The following ITGA2 variants were observed in gnomAD, a reference collection of about 807,000 sequenced individuals.
ITGA2 encodes integrin subunit alpha 2, also known as integrin alpha-2.
A neutral mutation model predicts 146.3 loss-of-function variants in ITGA2; 101 were observed. The observed-to-expected ratio is 0.69, with a 90% CI of 0.59 to 0.81. The LOEUF (loss-of-function observed/expected upper bound fraction) is 0.81. Among genes scored for constraint, ITGA2 ranks in the 40% least tolerant of loss-of-function variants. ITGA2 has a pLI of 0.00. For missense variants in ITGA2, 1,281 were observed against 1,402.7 expected, an observed-to-expected ratio of 0.91 and a Z score of 1.39; for synonymous variants, 477 against 487.1, an observed-to-expected ratio of 0.98 and a Z score of 0.27.
Position 53,070,101 on chromosome 5 carries a change from T to A in ITGA2, c.2084-8T>A. 1 of 1,605,202 alleles carries A rather than the reference T, an allele frequency of 6.2e-7. No homozygotes were observed. The highest frequency in any genetic ancestry group is 8.5e-7 in the Non-Finnish European group (1 of 1,172,972). ...AATAACATTTCTTTATGATTTTTTT[T>A]ATCATAGCCATTGTATATAACATCA... On this transcript the variant is annotated splice_polypyrimidine_tract_variant and splice_region_variant and intron_variant, in intron 16 of 29. Coordinates refer to ENST00000296585, the MANE Select transcript of ITGA2 (RefSeq NM_002203.4).
At chr5:53,005,580 C>CAAA (rs5867858) in intron 1 of ITGA2, among the ~76,000 whole-genome samples, 6,175 of 137,230 alleles carry the variant, frequency 0.045, 163 homozygotes, top group Non-Finnish European at 0.06. Flanking sequence ...GACTCTGTGT[C>CAAA]AAAAAAAAAA....
intron 6 of ITGA2, among the ~76,000 whole-genome samples, chr5:53,049,457 T>C (rs1744251797): frequency 6.6e-6 from 1 of 152,252 alleles, no homozygotes; most frequent in Admixed American, 6.5e-5. Flanking sequence ...AAAACAATTA[T>C]TGAATTCTGA....
At chr5:52,996,908 C>T (rs978820393) in intron 1 of ITGA2, among the ~76,000 whole-genome samples, 1 of 152,150 alleles carries the variant, frequency 6.6e-6, no homozygotes, top group Non-Finnish European at 1.5e-5. Context: ...AGTGTTGTCT[C>T]TGAAAGATTT....
intron 1 of ITGA2, among the ~76,000 whole-genome samples, chr5:52,994,803 A>G (rs1741152810): frequency 6.6e-6 from 1 of 152,190 alleles, no homozygotes; most frequent in African/African-American, 2.4e-5. Flanking sequence ...CCATAGCATA[A>G]TAGATGTCAT....
intron 11 of ITGA2, among the ~76,000 whole-genome samples, chr5:53,060,512 C>T (rs1180892099): frequency 6.6e-6 from 1 of 151,894 alleles, no homozygotes; most frequent in Non-Finnish European, 1.5e-5. Flanking sequence ...ACCTAGTAAG[C>T]GGCAAATCCA....
At chr5:53,082,300 C>G (rs1370320075) in intron 26 of ITGA2, among the ~76,000 whole-genome samples, 3 of 152,164 alleles carry the variant, frequency 2.0e-5, no homozygotes, top group Non-Finnish European at 2.9e-5. Context: ...CAAACCTCAG[C>G]TCTCCCCTAT....
At chr5:53,012,156 T>C (rs1393392529) in intron 1 of ITGA2, among the ~76,000 whole-genome samples, 1 of 152,166 alleles carries the variant, frequency 6.6e-6, no homozygotes, top group Non-Finnish European at 1.5e-5. Context: ...TATTTTAAAT[T>C]TCATTGATGA....
chr5:53,086,917 T>C, intron 27 of ITGA2, 35 bp from the exon 28 acceptor site: 1 of 1,508,444 alleles, frequency 6.6e-7, no homozygotes, highest in Non-Finnish European at 9.2e-7. Context: ...TTGCTGCTGC[T>C]ACGATAAAAC....
At chr5:53,048,547 T>C in intron 5 of ITGA2, 70 bp downstream of exon 5, 2 of 1,607,344 alleles carry the variant, frequency 1.2e-6, no homozygotes, top group East Asian at 2.2e-5. Context: ...GGTTATCAAC[T>C]AGTGGCACCC....
intron 28 of ITGA2, among the ~76,000 whole-genome samples, chr5:53,088,452 G>A (rs773043106): frequency 6.6e-6 from 1 of 152,062 alleles, no homozygotes; most frequent in Non-Finnish European, 1.5e-5. Flanking sequence ...TTGGGAGGCC[G>A]AGGCAGGCGA....
rs1364803730 is a variant in ITGA2, at chr5:53,093,403, T to TA, written c.*2805dup. 6.6e-6 allele frequency: 1 copy of TA among 152,236 alleles called. No homozygotes were observed. The highest frequency in any genetic ancestry group is 1.5e-5 in the Non-Finnish European group (1 of 68,078). The allele number at this position is 152,236 out of a possible 1,614,324, so 9.4% of individuals were successfully genotyped here. The stretch of plus-strand genomic sequence containing the variant: ...GGACAGGGTCTCTCAACCTGGGCGC[T>TA]ACTGTCATTTGGGGCCAGGTGATTC... On this transcript the variant is annotated 3_prime_UTR_variant, in exon 30 of 30. Coordinates refer to ENST00000296585, the MANE Select transcript of ITGA2 (RefSeq NM_002203.4).
At chr5:53,081,908 G>T (rs756878219) in intron 26 of ITGA2, among the ~76,000 whole-genome samples, 1 of 152,178 alleles carries the variant, frequency 6.6e-6, no homozygotes, top group Non-Finnish European at 1.5e-5. Flanking sequence ...CTAATATGTG[G>T]TCAAATCTAG....
rs117378040 is a variant in ITGA2 at position 53,061,502 on chromosome 5, G to A, written c.1458+456G>A. On this transcript the variant is annotated intron_variant, in intron 12 of 29. Coordinates refer to ENST00000296585, the MANE Select transcript of ITGA2 (RefSeq NM_002203.4). ...GAAGGGAGCAGCACAACATTATAAG[G>A]ACTGAACTTTTACATCTGAACCTGT... is the stretch of plus-strand genomic sequence containing the variant. Among the ~76,000 whole-genome samples, 51 of 152,034 alleles carry A rather than the reference G, an allele frequency of 3.4e-4. No individual in the cohort carries two copies. In the East Asian group the frequency reaches 8.9e-3, roughly 27 times the overall value.
intron 2 of ITGA2, among the ~76,000 whole-genome samples, chr5:53,038,554 C>CT (rs1411904569): frequency 1.3e-5 from 2 of 152,172 alleles, no homozygotes. Context: ...TGTGGCCTGA[C>CT]TCCCTGTGTC....
chr5:53,009,489 A>T (rs1579792286), intron 1 of ITGA2, among the ~76,000 whole-genome samples: 1 of 152,264 alleles, frequency 6.6e-6, no homozygotes, highest in East Asian at 1.9e-4. Context: ...CAGAAAGCAT[A>T]CAACTTTTAA....
chr5:53,044,023 C>G (rs1233284783), intron 3 of ITGA2, among the ~76,000 whole-genome samples: 1 of 151,882 alleles, frequency 6.6e-6, no homozygotes, highest in Non-Finnish European at 1.5e-5. Context: ...GCCTGTAATC[C>G]TAGCACTTTG....
chr5:52,990,068 G>A lies in ITGA2; in HGVS notation c.64+536G>A, dbSNP rs567990466. 3.1e-3 allele frequency: 518 copies of A among 167,614 alleles called. 1 individual carries two copies. Among genetic ancestry groups the A allele is most frequent in the Non-Finnish European group, 5.4e-3 (407 of 75,856 alleles). The allele number at this position is 167,614 out of a possible 1,614,324, so 10.4% of individuals were successfully genotyped here. A position where few individuals can be genotyped will look rare whatever the true frequency, so the allele number is the denominator to read the frequency against. On this transcript the variant is annotated intron_variant, in intron 1 of 29. Coordinates refer to ENST00000296585, the MANE Select transcript of ITGA2 (RefSeq NM_002203.4). ...TGCTTATTTTTCAACCCAAGGATGT[G>A]AATAATGCCTCTATTTCTTACTTGA... is the stretch of plus-strand genomic sequence containing the variant.
intron 2 of ITGA2, among the ~76,000 whole-genome samples, chr5:53,039,519 G>A (rs550663919): frequency 4.6e-5 from 7 of 151,858 alleles, no homozygotes; most frequent in African/African-American, 9.7e-5. Context: ...GGAGGCGGGC[G>A]GATCACCTGA....
intron 7 of ITGA2, among the ~76,000 whole-genome samples, chr5:53,054,010 AT>A (rs1744512874): frequency 1.3e-5 from 2 of 152,156 alleles, no homozygotes; most frequent in African/African-American, 4.8e-5. Flanking sequence ...AAAGGATCTG[AT>A]GTGGATAGTG....
Sources: gnomAD v4.1 joint callset for allele counts (sites outside exome capture counted in the v4.1 genomes callset) on GRCh38, gnomAD v4.1.1 for gene constraint, MANE v1.5 for transcripts, NCBI Gene and HGNC (gene_info 2026-07-23, HGNC 2026-07-21) for gene names.